The following DCST2 variants were observed in gnomAD, a reference collection of about 807,000 sequenced individuals.
The protein encoded by DCST2 is DC-STAMP domain containing 2.
A neutral mutation model predicts 81.8 loss-of-function variants in DCST2; 64 were observed. The ratio of observed to expected loss-of-function variants is 0.78; its 90% confidence interval spans 0.64 to 0.96. The LOEUF (loss-of-function observed/expected upper bound fraction) is 0.96. Ranked by LOEUF, DCST2 falls within the 40% of genes least tolerant of loss-of-function variation. The probability of loss-of-function intolerance (pLI) is 0.00; values close to 1 mark genes in which losing one functional copy is unlikely to be tolerated. For missense variants in DCST2, 945 were observed against 1,001.4 expected (o/e 0.94, Z 0.76); for synonymous variants, 354 against 402.6 (o/e 0.88, Z 1.44).
In DCST2 at chr1:155,029,415, G is replaced by A; in HGVS notation, c.1178-18C>T. 6.2e-7 allele frequency: 1 copy of A among 1,611,108 alleles called. No individual in the cohort carries two copies. Among genetic ancestry groups the A allele is most frequent in the Non-Finnish European group, 8.5e-7 (1 of 1,178,336 alleles). On this transcript the variant is annotated intron_variant, in intron 7 of 14. Transcript: ENST00000368424. ...GATGGAGCCTGAGCAGGAGTGGGAT[G>A]GTCAGGAGGATGCTCCCCAGTTCTC...
At chr1:155,029,054 A>T (rs1313963006) in intron 8 of DCST2, among the ~76,000 whole-genome samples, 179 bp downstream of exon 8, 1 of 152,148 alleles carries the variant, frequency 6.6e-6, no homozygotes, top group African/African-American at 2.4e-5. Context: ...GGCAAAGCAT[A>T]GAGTTGAAAG....
At chr1:155,025,579 G>A (rs180795978) in intron 10 of DCST2, among the ~76,000 whole-genome samples, 1 of 152,108 alleles carries the variant, frequency 6.6e-6, no homozygotes, top group African/African-American at 2.4e-5. Flanking sequence ...TGCCCACCTC[G>A]GCCTCCTAAA....
chr1:155,026,555 T>A lies in DCST2; in HGVS notation c.1503A>T (p.Ile501=). Residue 501 remains isoleucine, a synonymous_variant, in exon 9 of 15, where the codon ATA becomes ATT. Coordinates refer to ENST00000368424, the MANE Select transcript of DCST2 (RefSeq NM_144622.3). The part of the protein sequence containing the change: ...RPSEPDSTGY[I]VIGVMYGLCF... ...TCAGGGTGTAGTTGATACCAATGAC[T>A]ATGTAGCCAGTGCTGTCAGGCTCCG... The A allele has an allele frequency of 6.2e-7, 1 of 1,614,188 alleles. No homozygotes were observed.
In DCST2 at chr1:155,032,651, A is replaced by G. The variant is rs373642877; in HGVS notation, c.541+16T>C. On this transcript the variant is annotated intron_variant, in intron 3 of 14. Coordinates refer to ENST00000368424, the MANE Select transcript of DCST2 (RefSeq NM_144622.3). ...TGCATTTTGAGTCCCCGGGATAGAC[A>G]TGCTAATGTGCTTACCTATGTGTTT... is the stretch of plus-strand genomic sequence containing the variant. 27 of 1,612,102 alleles carry G rather than the reference A, an allele frequency of 1.7e-5. No homozygotes were observed. Among genetic ancestry groups the G allele is most frequent in the Non-Finnish European group, 2.0e-5 (24 of 1,178,548 alleles).
chr1:155,030,072 C>T lies in DCST2; in HGVS notation c.1177+12G>A. 6.2e-7 allele frequency: 1 copy of T among 1,612,616 alleles called. No homozygotes were observed. The highest frequency in any genetic ancestry group is 8.5e-7 in the Non-Finnish European group (1 of 1,179,850). Reference sequence around the variant, plus strand: ...CCCTGGCTTGGGCTCTCCCTGTCCTCAGGGCCCTCACCCGGTGGGATGTAG... The same window carrying T: ...CCCTGGCTTGGGCTCTCCCTGTCCTTAGGGCCCTCACCCGGTGGGATGTAG... On this transcript the variant is annotated intron_variant, in intron 7 of 14. Transcript: ENST00000368424.
intron 11 of DCST2, 43 bp downstream of exon 11, chr1:155,024,429 A>G: frequency 1.3e-6 from 2 of 1,511,162 alleles, no homozygotes; most frequent in Non-Finnish European, 8.9e-7. Flanking sequence ...CTCTTTTTCT[A>G]TCCCCTCTTG....
chr1:155,026,384 C>CT lies in DCST2; in HGVS notation c.1528_1529insA (p.Cys510Ter). 6.2e-7 allele frequency: 1 copy of CT among 1,613,824 alleles called. No homozygotes were observed. The highest frequency in any genetic ancestry group is 8.5e-7 in the Non-Finnish European group (1 of 1,180,024). ...YIVIGVMYGL[C>*]FFITLFGSYV... ...GCTGCCAAACAGGGTGATGAAGAAG[C>CT]ATAGGCCATACATGACGCCTGGGAG... is the stretch of plus-strand genomic sequence containing the variant. Residue 510 changes from cysteine to a stop codon, truncating the protein, a stop_gained and frameshift_variant, in exon 10 of 15, where the codon TGC becomes TAGC. Coordinates refer to ENST00000368424, the MANE Select transcript of DCST2 (RefSeq NM_144622.3). LOFTEE classifies it high-confidence loss of function.
At chr1:155,032,527 G>A (rs187437454) in intron 3 of DCST2, 140 bp downstream of exon 3, 1 of 618,764 alleles carries the variant, frequency 1.6e-6, no homozygotes, top group East Asian at 2.9e-5. Flanking sequence ...ATGTTGCCAA[G>A]GCTGGTCTCA....
At chr1:155,031,515 TCCC>T in intron 4 of DCST2, 56 bp downstream of exon 4, 36 of 643,120 alleles carry the variant, frequency 5.6e-5, no homozygotes, top group Non-Finnish European at 9.0e-5. Context: ...ACCCCCACAT[TCCC>T]ACCCCACCCC....
At chr1:155,019,166 G>T (rs1394355390) in intron 14 of DCST2, among the ~76,000 whole-genome samples, 1 of 152,154 alleles carries the variant, frequency 6.6e-6, no homozygotes, top group Non-Finnish European at 1.5e-5. Context: ...ACTGGAATGT[G>T]CCCACTGGAC....
At chr1:155,026,804 G>C in intron 8 of DCST2, 89 bp from the exon 9 acceptor site, 1 of 1,508,672 alleles carries the variant, frequency 6.6e-7, no homozygotes, top group Non-Finnish European at 9.1e-7. Flanking sequence ...GTGGAGCAGC[G>C]CAGGTCATAG....
intron 14 of DCST2, among the ~76,000 whole-genome samples, chr1:155,022,484 A>C (rs1341289248): frequency 2.6e-5 from 4 of 152,086 alleles, no homozygotes. Context: ...TAATCCCAGC[A>C]CTTTGGAAGG....
At chr1:155,030,851 T>C in intron 5 of DCST2, 1 of 618,300 alleles carries the variant, frequency 1.6e-6, no homozygotes, top group Non-Finnish European at 2.8e-6. Flanking sequence ...GCACCCAGCA[T>C]GACACAGGGC....
chr1:155,031,515 T>TGGCCCC, intron 4 of DCST2, 59 bp downstream of exon 4: 18 of 643,126 alleles, frequency 2.8e-5, no homozygotes, highest in Non-Finnish European at 5.0e-5. Flanking sequence ...ACCCCCACAT[T>TGGCCCC]CCCACCCCAC....
At chr1:155,025,220 G>A (rs534743000) in intron 10 of DCST2, among the ~76,000 whole-genome samples, 30 of 152,216 alleles carry the variant, frequency 2.0e-4, no homozygotes, top group Admixed American at 2.0e-3. Flanking sequence ...ACTGTGTCTG[G>A]TTCATCTTGG....
At chr1:155,023,981 C>T in intron 11 of DCST2, 22 bp from the exon 12 acceptor site, 2 of 1,607,622 alleles carry the variant, frequency 1.2e-6, no homozygotes, top group Non-Finnish European at 8.5e-7. Flanking sequence ...GTCACAGACA[C>T]TAAGCAGGCC....
chr1:155,027,198 A>ATTTTTTTTTTTT (rs900841532), intron 8 of DCST2, among the ~76,000 whole-genome samples: 3 of 94,180 alleles, frequency 3.2e-5, no homozygotes, highest in Non-Finnish European at 6.1e-5. Context: ...ACGACCGGCT[A>ATTTTTTTTTTTT]TTTTTTTTTT....
intron 2 of DCST2, 63 bp from the exon 3 acceptor site, chr1:155,032,831 G>A: frequency 6.8e-7 from 1 of 1,463,548 alleles, no homozygotes; most frequent in East Asian, 2.3e-5. Context: ...TCTCACCATT[G>A]CCCCTTAAGC....
At chr1:155,025,829 GCA>G (rs1659887955) in intron 10 of DCST2, among the ~76,000 whole-genome samples, 1 of 151,688 alleles carries the variant, frequency 6.6e-6, no homozygotes, top group South Asian at 2.1e-4. Context: ...GGGACTACAG[GCA>G]CACACCACCA....
Sources: gnomAD v4.1 joint callset for allele counts (sites outside exome capture counted in the v4.1 genomes callset) on GRCh38, gnomAD v4.1.1 for gene constraint, MANE v1.5 for transcripts, NCBI Gene and HGNC (gene_info 2026-07-23, HGNC 2026-07-21) for gene names.